Variants in PCDH9 observed in about 807,000 individuals in gnomAD.
PCDH9 encodes the protein protocadherin 9, also known as protocadherin-9.
PCDH9 carries 24 observed loss-of-function variants against 70.6 expected under a neutral mutation model. The ratio of observed to expected loss-of-function variants is 0.34; its 90% CI spans 0.25 to 0.48. PCDH9 has a LOEUF of 0.48. Among genes scored for constraint, PCDH9 ranks in the 20% least tolerant of loss-of-function variants. PCDH9 has a pLI of 0.99. For missense variants in PCDH9, 1,281 were observed against 1,503.6 expected, an observed-to-expected ratio of 0.85 and a Z score of 2.45; for synonymous variants, 562 against 558.5, an observed-to-expected ratio of 1.01 and a Z score of -0.09.
At chr13:66,805,340 GC>G (rs1309685795) in intron 3 of PCDH9, among the ~76,000 whole-genome samples, 1 of 152,134 alleles carries the variant, frequency 6.6e-6, no homozygotes, top group Non-Finnish European at 1.5e-5. Context: ...ATACTTAGTA[GC>G]ACAAGTCCTA....
intron 3 of PCDH9, among the ~76,000 whole-genome samples, 160 bp downstream of exon 3, chr13:66,903,344 A>G (rs1454135309): frequency 6.6e-6 from 1 of 151,932 alleles, no homozygotes; most frequent in Non-Finnish European, 1.5e-5. Flanking sequence ...TTGTTCTAAA[A>G]TTATTTACTT....
chr13:66,419,609 G>A (rs773786885), intron 4 of PCDH9, among the ~76,000 whole-genome samples: 3 of 151,958 alleles, frequency 2.0e-5, no homozygotes, highest in Admixed American at 6.6e-5. Flanking sequence ...GCCGAGGAAC[G>A]GTGCATTCCA....
intron 4 of PCDH9, among the ~76,000 whole-genome samples, chr13:66,545,455 T>C (rs1176752661): frequency 6.6e-6 from 1 of 152,232 alleles, no homozygotes; most frequent in Non-Finnish European, 1.5e-5. Flanking sequence ...TGCTTCCATA[T>C]CTGATAAAAT....
intron 3 of PCDH9, among the ~76,000 whole-genome samples, chr13:66,843,270 C>G (rs1274952875): frequency 6.6e-6 from 1 of 152,088 alleles, no homozygotes; most frequent in East Asian, 1.9e-4. Context: ...ACATCACCAA[C>G]AAAAATATCT....
chr13:66,909,448 A>G (rs1289390282), intron 2 of PCDH9, among the ~76,000 whole-genome samples: 2 of 151,716 alleles, frequency 1.3e-5, no homozygotes, highest in African/African-American at 4.8e-5. Flanking sequence ...AAAAAAAAAC[A>G]TATCCTTTTA....
chr13:66,773,774 T>A (rs899246744), intron 3 of PCDH9, among the ~76,000 whole-genome samples: 3 of 151,716 alleles, frequency 2.0e-5, no homozygotes, highest in African/African-American at 7.3e-5. Context: ...CCAATTTTTG[T>A]AATTTTTTTT....
chr13:66,319,281 G>A (rs914635058), intron 4 of PCDH9, among the ~76,000 whole-genome samples: 1 of 152,268 alleles, frequency 6.6e-6, no homozygotes, highest in South Asian at 2.1e-4. Context: ...CGACATGTGA[G>A]GATTACAATT....
intron 3 of PCDH9, among the ~76,000 whole-genome samples, chr13:66,729,773 C>T (rs1397064420): frequency 6.6e-6 from 1 of 152,146 alleles, no homozygotes; most frequent in Non-Finnish European, 1.5e-5. Flanking sequence ...TCAGAAATAG[C>T]TCCTCCATGA....
chr13:66,839,564 T>C (rs1206292074), intron 3 of PCDH9, among the ~76,000 whole-genome samples: 1 of 152,214 alleles, frequency 6.6e-6, no homozygotes, highest in African/African-American at 2.4e-5. Context: ...TTCAGGTATC[T>C]TACCTGCATA....
chr13:66,739,132 C>T (rs1402369616), intron 3 of PCDH9, among the ~76,000 whole-genome samples: 71 of 144,162 alleles, frequency 4.9e-4, no homozygotes, highest in Admixed American at 2.6e-3. Flanking sequence ...ATCAGACTAA[C>T]AGCGGATCTC....
At chr13:66,551,752 T>C (rs796765676) in intron 4 of PCDH9, among the ~76,000 whole-genome samples, 12 of 152,150 alleles carry the variant, frequency 7.9e-5, no homozygotes, top group Non-Finnish European at 4.4e-5. Flanking sequence ...AAATTATATT[T>C]TTTTCATCTT....
intron 4 of PCDH9, among the ~76,000 whole-genome samples, chr13:66,580,345 A>G (rs7990141): frequency 0.031 from 4,688 of 152,000 alleles, 239 homozygotes; most frequent in African/African-American, 0.11. Context: ...ATCTAGTGTT[A>G]TATTCAGTTT....
intron 4 of PCDH9, among the ~76,000 whole-genome samples, chr13:66,600,059 A>G (rs1356046715): frequency 2.6e-5 from 4 of 151,898 alleles, no homozygotes; most frequent in Non-Finnish European, 4.4e-5. Flanking sequence ...TCAGTCACAT[A>G]TAAGCTGTCA....
chr13:67,057,724 G>GT (rs533538433), intron 2 of PCDH9, among the ~76,000 whole-genome samples: 50 of 150,118 alleles, frequency 3.3e-4, no homozygotes, highest in East Asian at 9.8e-4. Flanking sequence ...CAGAAATTCT[G>GT]TTTTTTTTTC....
At chr13:67,187,725 C>T (rs1018749191) in intron 2 of PCDH9, among the ~76,000 whole-genome samples, 9 of 151,912 alleles carry the variant, frequency 5.9e-5, no homozygotes, top group Admixed American at 2.0e-4. Flanking sequence ...TTTTAAAGCC[C>T]ATGTTCTCCA....
chr13:67,072,400 A>G (rs1039424344), intron 2 of PCDH9, among the ~76,000 whole-genome samples: 4 of 152,100 alleles, frequency 2.6e-5, no homozygotes, highest in African/African-American at 7.2e-5. Flanking sequence ...TTCCCATTAG[A>G]TCGTACCCTC....
chr13:66,681,109 A>G (rs2078312737), intron 3 of PCDH9, among the ~76,000 whole-genome samples: 1 of 151,990 alleles, frequency 6.6e-6, no homozygotes, highest in Admixed American at 6.6e-5. Context: ...GTTACAGACA[A>G]CTTAACCCAA....
At chr13:66,752,027 C>A (rs1359118278) in intron 3 of PCDH9, among the ~76,000 whole-genome samples, 1 of 152,044 alleles carries the variant, frequency 6.6e-6, no homozygotes, top group African/African-American at 2.4e-5. Context: ...ACAGGGAAGA[C>A]CACACAGAGG....
At chr13:67,203,585 T>C (rs1196513638) in intron 2 of PCDH9, 1 of 152,134 alleles carries the variant, frequency 6.6e-6, no homozygotes, top group Non-Finnish European at 1.5e-5. Context: ...ATTTTAATAT[T>C]GCTGTAGTTT....
Sources: gnomAD v4.1 joint callset for allele counts (sites outside exome capture counted in the v4.1 genomes callset) on GRCh38, gnomAD v4.1.1 for gene constraint, MANE v1.5 for transcripts, NCBI Gene and HGNC (gene_info 2026-07-23, HGNC 2026-07-21) for gene names.